The following DENND11 variants were observed in gnomAD, a reference collection of about 807,000 sequenced individuals.
DENND11 encodes DENN domain containing 11.
DENND11 carries 34 observed loss-of-function variants against 49.2 expected under a neutral mutation model. That is an observed-to-expected ratio of 0.69 (90% CI 0.53 to 0.92). The LOEUF (loss-of-function observed/expected upper bound fraction) is 0.92, where lower values mean the gene tolerates loss of function less well. Among genes scored for constraint, DENND11 ranks in the 40% least tolerant of loss-of-function variants. DENND11 has a pLI of 0.00. For missense variants in DENND11, 475 were observed against 581.6 expected (o/e 0.82, Z 1.88); for synonymous variants, 238 against 230.3 (o/e 1.03, Z -0.30).
At chr7:141,678,168 G>C (rs1354659751) in intron 3 of DENND11, among the ~76,000 whole-genome samples, 1 of 152,160 alleles carries the variant, frequency 6.6e-6, no homozygotes, top group Non-Finnish European at 1.5e-5. Context: ...CACCGTTGTT[G>C]CTCAGGCTGG....
chr7:141,688,038 C>T (rs746765879), intron 1 of DENND11, among the ~76,000 whole-genome samples: 1 of 152,152 alleles, frequency 6.6e-6, no homozygotes, highest in Non-Finnish European at 1.5e-5. Context: ...GCCTCGGCCT[C>T]CCAAAGTGTT....
chr7:141,677,962 T>A (rs1057514187), intron 3 of DENND11, among the ~76,000 whole-genome samples: 1 of 144,420 alleles, frequency 6.9e-6, no homozygotes, highest in African/African-American at 2.6e-5. Flanking sequence ...CTCAATAATC[T>A]TTTTTTTTTT....
In DENND11 at chr7:141,662,639, A is replaced by C; in HGVS notation, c.*17T>G. The C allele has an allele frequency of 6.5e-7, 1 of 1,533,950 alleles. No homozygotes were observed. Among genetic ancestry groups the C allele is most frequent in the East Asian group, 2.4e-5 (1 of 42,098 alleles). Reference sequence around the variant, plus strand: ...TGACATCCCACGTGAAGTGGCTCCCAGTCCTGTTGGCTCCTCCTACGGGCA... The same window carrying C: ...TGACATCCCACGTGAAGTGGCTCCCCGTCCTGTTGGCTCCTCCTACGGGCA... On this transcript the variant is annotated 3_prime_UTR_variant, in exon 9 of 9. Transcript: ENST00000536163.
intron 3 of DENND11, among the ~76,000 whole-genome samples, chr7:141,680,880 T>G (rs1390208362): frequency 1.3e-5 from 2 of 152,088 alleles, no homozygotes; most frequent in African/African-American, 4.8e-5. Context: ...ACGACTGCCA[T>G]GCTGGAAAAG....
intron 1 of DENND11, among the ~76,000 whole-genome samples, chr7:141,694,700 C>T (rs1239798031): frequency 6.6e-6 from 1 of 152,146 alleles, no homozygotes; most frequent in African/African-American, 2.4e-5. Flanking sequence ...GAATCTGTTC[C>T]AAAGCAATCA....
intron 1 of DENND11, 48 bp downstream of exon 1, chr7:141,701,838 G>A: frequency 1.7e-6 from 2 of 1,157,318 alleles, no homozygotes; most frequent in Non-Finnish European, 2.1e-6. Flanking sequence ...CCAAAGCTCG[G>A]GGGCACCCCG....
At chr7:141,676,000 C>T (rs990268213) in intron 3 of DENND11, among the ~76,000 whole-genome samples, 3 of 152,144 alleles carry the variant, frequency 2.0e-5, no homozygotes, top group African/African-American at 7.2e-5. Flanking sequence ...AGACAGGAAA[C>T]CCATGGTCTA....
At chr7:141,671,427 T>C (rs546416410) in intron 4 of DENND11, among the ~76,000 whole-genome samples, 1 of 152,362 alleles carries the variant, frequency 6.6e-6, no homozygotes, top group East Asian at 1.9e-4. Flanking sequence ...TCTGCCCGCC[T>C]TGGCCTCCCA....
At chr7:141,680,627 G>A (rs1798135100) in intron 3 of DENND11, among the ~76,000 whole-genome samples, 1 of 151,332 alleles carries the variant, frequency 6.6e-6, no homozygotes, top group African/African-American at 2.4e-5. Flanking sequence ...GAGGTGGTGT[G>A]TTCAACTTCC....
chr7:141,677,626 G>C (rs1798084545), intron 3 of DENND11, among the ~76,000 whole-genome samples: 1 of 151,284 alleles, frequency 6.6e-6, no homozygotes, highest in Admixed American at 6.6e-5. Flanking sequence ...GGGATACTGT[G>C]ACACCACCTT....
chr7:141,679,800 C>G (rs1798121616), intron 3 of DENND11, among the ~76,000 whole-genome samples: 1 of 149,960 alleles, frequency 6.7e-6, no homozygotes, highest in Non-Finnish European at 1.5e-5. Context: ...AAAAGAAATA[C>G]AAATGACTCA....
rs768380924 is a variant in DENND11 at position 141,686,626 on chromosome 7, T to C, written c.301A>G (p.Ile101Val). ...TTGAACTCAACACCTTCAAGGTCAATATCTTGAGGTAAGCACCATTCTACC... is the reference window on the plus strand; with the variant it reads ...TTGAACTCAACACCTTCAAGGTCAACATCTTGAGGTAAGCACCATTCTACC... ...NMVEWCLPQD[I>V]DLEGVEFKSM... The change falls in exon 2 of 9, where the codon ATT becomes GTT. Residue 101 changes from isoleucine to valine, a missense_variant. By Grantham distance (29) the Ile-to-Val change is conservative (BLOSUM62 3). Transcript: ENST00000536163. The C allele has an allele frequency of 6.2e-7, 1 of 1,612,734 alleles. No individual in the cohort carries two copies. Among genetic ancestry groups the C allele is most frequent in the South Asian group, 1.1e-5 (1 of 90,790 alleles).
intron 5 of DENND11, 36 bp downstream of exon 5, chr7:141,666,251 A>C (rs1797891758): frequency 6.4e-7 from 1 of 1,555,556 alleles, no homozygotes; most frequent in Non-Finnish European, 8.7e-7. Flanking sequence ...TGCTCCAGGG[A>C]TTTAAGCAGC....
intron 5 of DENND11, 86 bp from the exon 6 acceptor site, chr7:141,665,404 C>T: frequency 2.6e-6 from 4 of 1,544,980 alleles, no homozygotes; most frequent in Non-Finnish European, 3.5e-6. Context: ...CACCTCTGCT[C>T]CAGGCTATCT....
chr7:141,688,790 T>A (rs1158614241), intron 1 of DENND11, among the ~76,000 whole-genome samples: 2 of 148,580 alleles, frequency 1.3e-5, no homozygotes, highest in Non-Finnish European at 3.0e-5. Context: ...AGAATCACCA[T>A]CTTCCCTGCC....
intron 3 of DENND11, among the ~76,000 whole-genome samples, chr7:141,679,377 G>A (rs1051590630): frequency 6.6e-6 from 1 of 152,094 alleles, no homozygotes; most frequent in African/African-American, 2.4e-5. Context: ...TTTATACAAA[G>A]AAACAAAGAA....
chr7:141,686,704 A>C (rs777844370), intron 1 of DENND11, 46 bp from the exon 2 acceptor site: 2 of 1,369,898 alleles, frequency 1.5e-6, no homozygotes, highest in Non-Finnish European at 1.0e-6. Flanking sequence ...ACATCATTCA[A>C]AGAAAATGGG....
At chr7:141,695,992 G>C (rs1378070651) in intron 1 of DENND11, among the ~76,000 whole-genome samples, 1 of 152,202 alleles carries the variant, frequency 6.6e-6, no homozygotes, top group Non-Finnish European at 1.5e-5. Flanking sequence ...TGCCTGCCAG[G>C]TGCTGAGCTC....
chr7:141,662,737 T>A lies in DENND11; in HGVS notation c.1287A>T (p.Gly429=), dbSNP rs375602245. Residue 429 remains glycine, a synonymous_variant, in exon 9 of 9, where the codon GGA becomes GGT. Coordinates refer to ENST00000536163, the MANE Select transcript of DENND11 (RefSeq NM_001080392.2). ...HARGMGLDPQ[G]DRSFLLDLLE... is the part of the protein sequence containing the mutation. Reference sequence around the variant, plus strand: ...GCAGGTCCAGGAGAAAGCTCCGGTCTCCTTGGGGGTCTAGGCCCATGCCCC... The same window carrying A: ...GCAGGTCCAGGAGAAAGCTCCGGTCACCTTGGGGGTCTAGGCCCATGCCCC... 6.3e-5 allele frequency: 102 copies of A among 1,611,570 alleles called. No individual in the cohort carries two copies. Among genetic ancestry groups the A allele is most frequent in the Non-Finnish European group, 8.4e-5 (99 of 1,179,068 alleles).
Sources: allele counts gnomAD v4.1 joint callset (sites outside exome capture counted in the v4.1 genomes callset), GRCh38; gene constraint gnomAD v4.1.1; transcripts MANE v1.5; gene names NCBI Gene and HGNC (gene_info 2026-07-23, HGNC 2026-07-21).